WWOX: variants seen among roughly 807,000 people sequenced by gnomAD.
WWOX encodes WW domain containing oxidoreductase.
Under a neutral mutation model 46.2 loss-of-function variants are expected in WWOX, and 69 were observed. That is an observed-to-expected ratio of 1.49 (90% CI 1.23 to 1.82). The LOEUF (loss-of-function observed/expected upper bound fraction) is 1.82. WWOX is among the 40% of genes most tolerant of loss of function. The probability of loss-of-function intolerance (pLI) is 0.00; values close to 1 mark genes in which losing one functional copy is unlikely to be tolerated. For synonymous variants in WWOX, 359 were observed against 202.6 expected, an observed-to-expected ratio of 1.77 and a Z score of -6.56; for missense variants, 919 against 542.6, an observed-to-expected ratio of 1.69 and a Z score of -6.89.
rs148872050 is a variant in WWOX, at chr16:78,618,969, T to C, written c.1056+186217T>C. Among the ~76,000 whole-genome samples, 461 of 149,694 alleles carry C rather than the reference T, an allele frequency of 3.1e-3. 3 individuals carry two copies. The highest frequency in any genetic ancestry group is 0.011 in the African/African-American group (437 of 40,556). On this transcript the variant is annotated intron_variant, in intron 8 of 8. Coordinates refer to ENST00000566780, the MANE Select transcript of WWOX (RefSeq NM_016373.4). ...TGCAAGAACAAAGACTTTAAGATAC[T>C]GAAATTTCTGGGCAAAGTTTCCTCA...
intron 8 of WWOX, among the ~76,000 whole-genome samples, chr16:78,548,726 G>T (rs773021227): frequency 2.0e-5 from 3 of 152,092 alleles, no homozygotes; most frequent in East Asian, 1.9e-4. Context: ...AAATTATTTT[G>T]CCCAATAACT....
At chr16:79,098,129 T>A (rs1281060532) in intron 8 of WWOX, among the ~76,000 whole-genome samples, 1 of 152,166 alleles carries the variant, frequency 6.6e-6, no homozygotes, top group Non-Finnish European at 1.5e-5. Context: ...TCCAGCAAAT[T>A]TCAAACCTGT....
At chr16:79,142,877 ATT>A (rs1051220904) in intron 8 of WWOX, among the ~76,000 whole-genome samples, 1 of 151,724 alleles carries the variant, frequency 6.6e-6, no homozygotes, top group African/African-American at 2.4e-5. Flanking sequence ...TTTTATATAT[ATT>A]TTTTTACAGA....
At chr16:79,170,602 A>G (rs1358064358) in intron 8 of WWOX, among the ~76,000 whole-genome samples, 2 of 115,632 alleles carry the variant, frequency 1.7e-5, no homozygotes, top group African/African-American at 7.9e-5. Flanking sequence ...TGTAGAAAAT[A>G]AAAATTTTTT....
At chr16:78,910,430 C>T (rs552840314) in intron 8 of WWOX, among the ~76,000 whole-genome samples, 2 of 151,962 alleles carry the variant, frequency 1.3e-5, no homozygotes, top group Admixed American at 1.3e-4. Context: ...GGTTGTTCCT[C>T]ACTGCAGGAG....
chr16:78,375,278 A>G (rs1271630363), intron 5 of WWOX, among the ~76,000 whole-genome samples: 3 of 152,218 alleles, frequency 2.0e-5, no homozygotes, highest in Non-Finnish European at 4.4e-5. Flanking sequence ...CAGTGTGGCC[A>G]ACTTCCGAGA....
At chr16:79,066,483 CAGAA>C (rs1567526450) in intron 8 of WWOX, among the ~76,000 whole-genome samples, 3 of 151,322 alleles carry the variant, frequency 2.0e-5, no homozygotes. Flanking sequence ...GAAAGAAGGA[CAGAA>C]GGAAGGAAGG....
At chr16:79,001,218 G>T (rs577079931) in intron 8 of WWOX, among the ~76,000 whole-genome samples, 1 of 152,256 alleles carries the variant, frequency 6.6e-6, no homozygotes, top group African/African-American at 2.4e-5. Flanking sequence ...AGGAACGGAG[G>T]CCGGTTAGAG....
chr16:78,841,473 C>T (rs1488042258), intron 8 of WWOX, among the ~76,000 whole-genome samples: 2 of 152,180 alleles, frequency 1.3e-5, no homozygotes, highest in African/African-American at 4.8e-5. Context: ...AGAATATTTA[C>T]ACCATGGAAA....
chr16:78,148,514 A>G (rs548398026), intron 4 of WWOX, among the ~76,000 whole-genome samples: 4 of 148,358 alleles, frequency 2.7e-5, no homozygotes, highest in South Asian at 4.3e-4. Flanking sequence ...GCTCCATTAC[A>G]TTTTTTTTTT....
At chr16:78,478,701 C>T (rs1431029900) in intron 8 of WWOX, among the ~76,000 whole-genome samples, 1 of 152,166 alleles carries the variant, frequency 6.6e-6, no homozygotes, top group Non-Finnish European at 1.5e-5. Context: ...AATGCAGGCT[C>T]CAAAGGTGCT....
At chr16:78,575,373 C>T (rs991255680) in intron 8 of WWOX, among the ~76,000 whole-genome samples, 1 of 151,504 alleles carries the variant, frequency 6.6e-6, no homozygotes, top group Non-Finnish European at 1.5e-5. Context: ...CCTGAAATAG[C>T]CCTATCTCCA....
chr16:78,749,189 C>G (rs576774149), intron 8 of WWOX, among the ~76,000 whole-genome samples: 4 of 152,270 alleles, frequency 2.6e-5, no homozygotes, highest in African/African-American at 4.8e-5. Context: ...CATGGGGTGA[C>G]CTGTGTGCCA....
chr16:78,268,374 A>G (rs746017219), intron 5 of WWOX, among the ~76,000 whole-genome samples: 2 of 152,202 alleles, frequency 1.3e-5, no homozygotes, highest in Non-Finnish European at 2.9e-5. Context: ...ATCTTGGCCA[A>G]GTGTAGATTA....
At chr16:79,100,080 A>T (rs567486631) in intron 8 of WWOX, among the ~76,000 whole-genome samples, 2 of 152,356 alleles carry the variant, frequency 1.3e-5, no homozygotes, top group African/African-American at 4.8e-5. Context: ...ATCTAAGATT[A>T]TCTCCCTTCC....
At chr16:78,785,270 G>C (rs1158925061) in intron 8 of WWOX, among the ~76,000 whole-genome samples, 1 of 152,224 alleles carries the variant, frequency 6.6e-6, no homozygotes, top group African/African-American at 2.4e-5. Context: ...CGATGGGCAG[G>C]TGCAACCTTT....
intron 8 of WWOX, among the ~76,000 whole-genome samples, chr16:78,705,703 T>C (rs1019672892): frequency 6.6e-6 from 1 of 152,274 alleles, no homozygotes; most frequent in African/African-American, 2.4e-5. Context: ...TTTGCTTTTT[T>C]ACTTCCTTTT....
chr16:78,966,802 C>G (rs2046370546), intron 8 of WWOX, among the ~76,000 whole-genome samples: 1 of 152,132 alleles, frequency 6.6e-6, no homozygotes, highest in Non-Finnish European at 1.5e-5. Context: ...AACTGTTCTA[C>G]TTTGGCAGAA....
At chr16:78,630,867 A>G (rs1442435215) in intron 8 of WWOX, among the ~76,000 whole-genome samples, 3 of 125,278 alleles carry the variant, frequency 2.4e-5, no homozygotes, top group Non-Finnish European at 5.7e-5. Context: ...AAGAGGCCAT[A>G]TGCAGTCAGC....
Sources: allele counts gnomAD v4.1 joint callset (sites outside exome capture counted in the v4.1 genomes callset), GRCh38; gene constraint gnomAD v4.1.1; transcripts MANE v1.5; gene names NCBI Gene and HGNC (gene_info 2026-07-23, HGNC 2026-07-21).